BDNF: variants seen among roughly 807,000 people sequenced by gnomAD.
BDNF encodes brain derived neurotrophic factor, also known as neurotrophic factor BDNF precursor form.
In BDNF, 1 loss-of-function variant was observed where a neutral mutation model predicts 19.5. The ratio of observed to expected loss-of-function variants is 0.05; its 90% CI spans 0.02 to 0.24. The LOEUF (loss-of-function observed/expected upper bound fraction) is 0.24. BDNF is among the 10% of genes least tolerant of loss of function. The pLI is 1.00. For synonymous variants in BDNF, 100 were observed against 121.6 expected (o/e 0.82, Z 1.17); for missense variants, 195 against 317.6 (o/e 0.61, Z 2.93).
chr11:27,678,598 A>G (rs904206383), intron 1 of BDNF, among the ~76,000 whole-genome samples: 1 of 152,218 alleles, frequency 6.6e-6, no homozygotes, highest in Non-Finnish European at 1.5e-5. Flanking sequence ...TGTGAGATCA[A>G]TGTTGAATGA....
At chr11:27,699,572 C>T (rs1382503828) in intron 1 of BDNF, 2 of 1,513,444 alleles carry the variant, frequency 1.3e-6, no homozygotes, top group Non-Finnish European at 1.8e-6. Context: ...CAGTTCCCAG[C>T]GGTAGGAATT....
intron 1 of BDNF, among the ~76,000 whole-genome samples, chr11:27,664,998 T>A (rs1297758016): frequency 6.6e-6 from 1 of 152,200 alleles, no homozygotes; most frequent in Admixed American, 6.5e-5. Flanking sequence ...TGAAAATACT[T>A]TTAAAGTTTA....
intron 1 of BDNF, among the ~76,000 whole-genome samples, chr11:27,686,751 G>T (rs183257759): frequency 6.6e-6 from 1 of 152,154 alleles, no homozygotes; most frequent in African/African-American, 2.4e-5. Context: ...TTGTAGGCTT[G>T]TAGGGTTTCT....
chr11:27,665,709 G>A (rs1036608588), intron 1 of BDNF, among the ~76,000 whole-genome samples: 3 of 152,190 alleles, frequency 2.0e-5, no homozygotes, highest in Non-Finnish European at 4.4e-5. Context: ...AAGCAGCAGC[G>A]AGGCTGGGGG....
chr11:27,693,075 C>A (rs948599297), intron 1 of BDNF, among the ~76,000 whole-genome samples: 1 of 152,214 alleles, frequency 6.6e-6, no homozygotes, highest in Non-Finnish European at 1.5e-5. Context: ...ATTCCCTATG[C>A]ATCCTGGTCA....
At chr11:27,719,191 C>A (rs1301303253) in intron 1 of BDNF, among the ~76,000 whole-genome samples, 2 of 152,152 alleles carry the variant, frequency 1.3e-5, no homozygotes, top group East Asian at 3.9e-4. Flanking sequence ...CGCGCCGCTT[C>A]TATCTCACCC....
At chr11:27,682,420 A>T (rs1339662370) in intron 1 of BDNF, among the ~76,000 whole-genome samples, 1 of 151,064 alleles carries the variant, frequency 6.6e-6, no homozygotes, top group East Asian at 2.0e-4. Context: ...TAATAATAAT[A>T]ATAATACTTT....
At chr11:27,694,082 A>G (rs1212255383) in intron 1 of BDNF, among the ~76,000 whole-genome samples, 3 of 152,128 alleles carry the variant, frequency 2.0e-5, no homozygotes, top group African/African-American at 7.2e-5. Flanking sequence ...TTCTCTGCTT[A>G]CCAGAAATTG....
rs576667532 is a variant in BDNF, at chr11:27,667,874, C to A, written c.-21-9289G>T. Among the ~76,000 whole-genome samples the A allele has an allele frequency of 1.5e-4, 23 of 152,268 alleles. No individual in the cohort carries two copies. The East Asian group carries it at 3.9e-3, about 26-fold the overall frequency. ...ACAGATCAACAAGACAGAAAATTAA[C>A]AAAGATATCCAGAAATTGAACTCAG... On this transcript the variant is annotated intron_variant, in intron 1 of 1. Coordinates refer to ENST00000356660, the MANE Select transcript of BDNF (RefSeq NM_001709.5).
intron 1 of BDNF, chr11:27,720,368 C>T (rs1278923607): frequency 3.0e-6 from 3 of 985,832 alleles, no homozygotes; most frequent in Non-Finnish European, 3.6e-6. Context: ...TTACACCACC[C>T]CGGTGGCTAG....
Position 27,655,737 on chromosome 11 carries a change from C to G in BDNF, c.*2084G>C, listed in dbSNP as rs1212765662. 1 of 152,178 alleles carries G rather than the reference C, an allele frequency of 6.6e-6. No individual in the cohort carries two copies. Among genetic ancestry groups the G allele is most frequent in the Non-Finnish European group, 1.5e-5 (1 of 68,036 alleles). The allele number at this position is 152,178 out of a possible 1,614,324, so 9.4% of individuals were successfully genotyped here. ...GCTTATCCCTCACCCTACTAAGATG[C>G]AGCAATTGCTTGGGGCTTTCTGATA... On this transcript the variant is annotated 3_prime_UTR_variant, in exon 2 of 2. Transcript: ENST00000356660.
At chr11:27,701,342 C>A, upstream of BDNF, 1 of 1,081,740 alleles carries the variant, frequency 9.2e-7, no homozygotes, top group South Asian at 2.7e-5. Flanking sequence ...GCAGCTGCTC[C>A]GGGAAAGACT....
intron 1 of BDNF, among the ~76,000 whole-genome samples, chr11:27,665,985 A>C (rs1854243553): frequency 6.6e-6 from 1 of 152,142 alleles, no homozygotes; most frequent in Admixed American, 6.5e-5. Context: ...TGGGTTCCTG[A>C]CCCCTGAGTA....
At chr11:27,714,457 G>A (rs1375584807) in intron 1 of BDNF, among the ~76,000 whole-genome samples, 1 of 152,038 alleles carries the variant, frequency 6.6e-6, no homozygotes, top group Non-Finnish European at 1.5e-5. Flanking sequence ...AAAATAAGCA[G>A]TAAATTTGAT....
intron 1 of BDNF, chr11:27,674,626 A>G: frequency 1.0e-6 from 1 of 985,270 alleles, no homozygotes; most frequent in African/African-American, 1.7e-5. Context: ...AAATATCTGC[A>G]TCATTTAAGC....
chr11:27,665,567 C>G (rs1854163333), intron 1 of BDNF, among the ~76,000 whole-genome samples: 1 of 152,190 alleles, frequency 6.6e-6, no homozygotes, highest in Non-Finnish European at 1.5e-5. Context: ...CACTCCCCAC[C>G]CTAATACTGT....
chr11:27,718,684 C>G (rs964118969), intron 1 of BDNF, among the ~76,000 whole-genome samples: 7 of 151,884 alleles, frequency 4.6e-5, no homozygotes, highest in African/African-American at 1.7e-4. Context: ...CCTACGCTCC[C>G]TTTGTGTGCC....
intron 1 of BDNF, among the ~76,000 whole-genome samples, chr11:27,668,998 G>GA (rs1331848588): frequency 2.0e-5 from 3 of 152,100 alleles, no homozygotes; most frequent in Admixed American, 2.0e-4. Flanking sequence ...AAGATCGATG[G>GA]AAAAATCCTC....
chr11:27,668,241 C>A (rs1220691824), intron 1 of BDNF, among the ~76,000 whole-genome samples: 1 of 152,156 alleles, frequency 6.6e-6, no homozygotes, highest in East Asian at 1.9e-4. Flanking sequence ...ACACAACATA[C>A]CAGAATCTCT....
Sources: gnomAD v4.1 joint callset for allele counts (sites outside exome capture counted in the v4.1 genomes callset) on GRCh38, gnomAD v4.1.1 for gene constraint, MANE v1.5 for transcripts, NCBI Gene and HGNC (gene_info 2026-07-23, HGNC 2026-07-21) for gene names.